The following DEPDC5 variants were observed in gnomAD, a reference collection of about 807,000 sequenced individuals.
DEPDC5 encodes the protein GATOR1 complex protein DEPDC5.
In DEPDC5, 73 loss-of-function variants were observed where a neutral mutation model predicts 217.3. That is an observed-to-expected ratio of 0.34 (90% CI 0.28 to 0.41). The LOEUF (loss-of-function observed/expected upper bound fraction) is 0.41. Ranked by LOEUF, DEPDC5 falls within the 10% of genes least tolerant of loss-of-function variation. DEPDC5 has a pLI of 1.00. For synonymous variants in DEPDC5, 733 were observed against 756.7 expected (o/e 0.97, Z 0.51); for missense variants, 1,675 against 2,070.1 (o/e 0.81, Z 3.70).
intron 4 of DEPDC5, among the ~76,000 whole-genome samples, chr22:31,764,722 T>A (rs111712349): frequency 6.6e-6 from 1 of 152,142 alleles, no homozygotes; most frequent in African/African-American, 2.4e-5. Context: ...AGCCTCTTCC[T>A]TCTTAAATTC....
chr22:31,822,543 G>A, intron 23 of DEPDC5, 150 bp from the exon 24 acceptor site: 1 of 687,388 alleles, frequency 1.5e-6, no homozygotes, highest in South Asian at 1.8e-5. Context: ...GGTGGCTTAA[G>A]ATAAGGATTC....
intron 29 of DEPDC5, 132 bp from the exon 30 acceptor site, chr22:31,844,886 C>A: frequency 1.1e-6 from 1 of 904,518 alleles, no homozygotes. Flanking sequence ...AAGCCATGAG[C>A]TGTAGCATCA....
intron 6 of DEPDC5, 89 bp downstream of exon 6, chr22:31,766,757 T>G: frequency 8.5e-7 from 1 of 1,182,184 alleles, no homozygotes; most frequent in Non-Finnish European, 1.2e-6. Flanking sequence ...TAAAATCGTT[T>G]CTGATTTTAT....
At chr22:31,881,029 G>A (rs922180705) in intron 38 of DEPDC5, among the ~76,000 whole-genome samples, 2 of 146,932 alleles carry the variant, frequency 1.4e-5, no homozygotes, top group African/African-American at 5.0e-5. Flanking sequence ...AAAAAAAAAA[G>A]GGCCAAACGC....
At chr22:31,789,192 A>G (rs1488644149) in intron 10 of DEPDC5, among the ~76,000 whole-genome samples, 1 of 152,262 alleles carries the variant, frequency 6.6e-6, no homozygotes, top group African/African-American at 2.4e-5. Flanking sequence ...CGTATTCTTG[A>G]CAGCATTATT....
At chr22:31,810,125 T>G (rs1438581975) in intron 19 of DEPDC5, among the ~76,000 whole-genome samples, 2 of 152,242 alleles carry the variant, frequency 1.3e-5, no homozygotes, top group African/African-American at 4.8e-5. Context: ...TCCCGCCATC[T>G]GCAAATTGAA....
chr22:31,814,851 C>T (rs1383346196), intron 20 of DEPDC5, 141 bp from the exon 21 acceptor site: 2 of 782,186 alleles, frequency 2.6e-6, no homozygotes, highest in South Asian at 1.7e-5. Flanking sequence ...GTACCGCATA[C>T]AGGTTTCCCA....
chr22:31,826,595 C>T (rs1394170762), intron 24 of DEPDC5: 1 of 344,720 alleles, frequency 2.9e-6, no homozygotes, highest in South Asian at 2.3e-5. Context: ...TTGAAGCCTG[C>T]CCCGGTGGTT....
chr22:31,867,915 G>A (rs1228470690), intron 33 of DEPDC5, among the ~76,000 whole-genome samples: 1 of 152,160 alleles, frequency 6.6e-6, no homozygotes, highest in Non-Finnish European at 1.5e-5. Flanking sequence ...GGGCCCAGAA[G>A]GCAATGCCTA....
In DEPDC5 at chr22:31,884,645, C is replaced by A. The variant is rs1602724980; in HGVS notation, c.4033+4893C>A. ...GTCTCAGCCTGCCCTCATCTCCATA[C>A]CCTAAAGTGTCTCATCAGTCCAGTG... On this transcript the variant is annotated intron_variant, in intron 38 of 42. Coordinates refer to ENST00000651528, the MANE Select transcript of DEPDC5 (RefSeq NM_001242896.3). Among the ~76,000 whole-genome samples, 3 of 152,288 alleles carry A rather than the reference C, an allele frequency of 2.0e-5. No individual in the cohort carries two copies. In the East Asian group the frequency reaches 5.8e-4, roughly 29 times the overall value.
chr22:31,778,006 C>G, intron 7 of DEPDC5, 93 bp from the exon 8 acceptor site: 1 of 1,442,812 alleles, frequency 6.9e-7, no homozygotes, highest in Non-Finnish European at 9.7e-7. Context: ...CCTTGGCTTC[C>G]CAAAGTGCTG....
chr22:31,792,073 C>G lies in DEPDC5; in HGVS notation c.665C>G (p.Ser222Cys), dbSNP rs2085726143. 6.2e-7 allele frequency: 1 copy of G among 1,611,756 alleles called. No homozygotes were observed. Among genetic ancestry groups the G allele is most frequent in the Non-Finnish European group, 8.5e-7 (1 of 1,178,852 alleles). The part of the protein sequence containing the change: ...CSHEVTVVLF[S>C]RTFYDAKSVD... The stretch of plus-strand genomic sequence containing the variant: ...CATGAAGTGACAGTGGTCCTGTTTT[C>G]TAGAACTTTCTATGATGCAAAATCT... The change falls in exon 11 of 43, where the codon TCT (serine) becomes TGT (cysteine). Residue 222 changes from serine to cysteine, a missense_variant. Physicochemically the swap from Ser to Cys is moderately radical, Grantham distance 112. This residue lies in a region of DEPDC5 where 628 missense variants were observed against 762.1 expected (regional missense o/e 0.82). Coordinates refer to ENST00000651528, the MANE Select transcript of DEPDC5 (RefSeq NM_001242896.3).
intron 2 of DEPDC5, among the ~76,000 whole-genome samples, chr22:31,757,016 G>A (rs141591300): frequency 0.014 from 2,068 of 151,872 alleles, 16 homozygotes; most frequent in Middle Eastern, 0.031. Flanking sequence ...AATGCCACAA[G>A]GTTCTTTGTC....
chr22:31,768,321 C>T (rs958451827), intron 6 of DEPDC5, among the ~76,000 whole-genome samples: 2 of 151,660 alleles, frequency 1.3e-5, no homozygotes, highest in African/African-American at 4.8e-5. Context: ...TCCATTTTGA[C>T]ACTAATCAAA....
chr22:31,804,106 G>T, intron 15 of DEPDC5, 56 bp from the exon 16 acceptor site: 1 of 1,547,830 alleles, frequency 6.5e-7, no homozygotes, highest in South Asian at 1.1e-5. Context: ...TATAGATAGG[G>T]ACACTTGTCT....
intron 40 of DEPDC5, among the ~76,000 whole-genome samples, chr22:31,900,955 A>G (rs1175142753): frequency 6.6e-6 from 1 of 150,736 alleles, no homozygotes; most frequent in Admixed American, 6.6e-5. Flanking sequence ...TGTAGAAATT[A>G]GTTGGGGCCG....
At chr22:31,827,413 A>G (rs1223017964) in intron 24 of DEPDC5, among the ~76,000 whole-genome samples, 2 of 152,242 alleles carry the variant, frequency 1.3e-5, no homozygotes, top group Non-Finnish European at 2.9e-5. Context: ...GGATATATCC[A>G]TAGTCTTACT....
chr22:31,865,511 A>G (rs1386196159), intron 33 of DEPDC5, among the ~76,000 whole-genome samples: 1 of 151,980 alleles, frequency 6.6e-6, no homozygotes, highest in African/African-American at 2.4e-5. Flanking sequence ...AAACAAAACA[A>G]AACAAAACAA....
In DEPDC5 at chr22:31,794,097, T is replaced by C. The variant is rs114541791; in HGVS notation, c.767+1280T>C. ...CCACACAATATTAAGTGGTGGAGCA[T>C]GGACCTGACACAGTCAATCTAGTTC... is the stretch of plus-strand genomic sequence containing the variant. On this transcript the variant is annotated intron_variant, in intron 12 of 42. Coordinates refer to ENST00000651528, the MANE Select transcript of DEPDC5 (RefSeq NM_001242896.3). Among the ~76,000 whole-genome samples, 556 of 152,296 alleles carry C rather than the reference T, an allele frequency of 3.7e-3. 3 individuals are homozygous for C. The highest frequency in any genetic ancestry group is 0.012 in the African/African-American group (519 of 41,572).
Sources: allele counts gnomAD v4.1 joint callset (sites outside exome capture counted in the v4.1 genomes callset), GRCh38; gene constraint gnomAD v4.1.1; regional missense constraint gnomAD v4.1.1; transcripts MANE v1.5; gene names NCBI Gene and HGNC (gene_info 2026-07-23, HGNC 2026-07-21).